The following RUNDC3B variants were observed in gnomAD, a reference collection of about 807,000 sequenced individuals.
RUNDC3B encodes RUN domain-containing protein 3B.
In RUNDC3B, 33 loss-of-function variants were observed where a neutral mutation model predicts 58.4. The ratio of observed to expected loss-of-function variants is 0.56; its 90% CI spans 0.43 to 0.75. The LOEUF (loss-of-function observed/expected upper bound fraction) is 0.75, where lower values mean the gene tolerates loss of function less well. RUNDC3B is among the 30% of genes least tolerant of loss of function. The pLI, the probability that RUNDC3B is intolerant of heterozygous loss-of-function variation, is 0.00. For synonymous variants in RUNDC3B, 193 were observed against 195.2 expected (o/e 0.99, Z 0.10); for missense variants, 501 against 535.7 (o/e 0.94, Z 0.64).
At chr7:87,675,726 CCTTTCT>C (rs1448661426) in intron 2 of RUNDC3B, among the ~76,000 whole-genome samples, 1 of 148,412 alleles carries the variant, frequency 6.7e-6, no homozygotes, top group Non-Finnish European at 1.5e-5. Flanking sequence ...AGAAATCGGA[CCTTTCT>C]CTTATATCAT....
intron 9 of RUNDC3B, among the ~76,000 whole-genome samples, chr7:87,810,625 C>T (rs953084600): frequency 1.3e-5 from 2 of 152,142 alleles, no homozygotes; most frequent in Non-Finnish European, 2.9e-5. Context: ...GTCATATTGT[C>T]ACCTACTCAT....
chr7:87,740,959 C>G (rs1217431510), intron 5 of RUNDC3B, among the ~76,000 whole-genome samples: 1 of 152,072 alleles, frequency 6.6e-6, no homozygotes, highest in Non-Finnish European at 1.5e-5. Context: ...AATCCCAACA[C>G]TTTAGGAGGC....
chr7:87,733,787 G>A (rs544736250), intron 4 of RUNDC3B, among the ~76,000 whole-genome samples: 165 of 152,260 alleles, frequency 1.1e-3, no homozygotes, highest in Non-Finnish European at 1.6e-3. Context: ...TGAAGGAGTC[G>A]GAGCTTAGGT....
intron 2 of RUNDC3B, among the ~76,000 whole-genome samples, chr7:87,668,861 T>A (rs565638217): frequency 6.6e-6 from 1 of 152,320 alleles, no homozygotes; most frequent in East Asian, 1.9e-4. Flanking sequence ...TGATTTCAGT[T>A]CTTTTACATT....
At chr7:87,764,490 GCTT>G (rs1419278598) in intron 6 of RUNDC3B, among the ~76,000 whole-genome samples, 1 of 151,734 alleles carries the variant, frequency 6.6e-6, no homozygotes, top group Non-Finnish European at 1.5e-5. Context: ...TGAGCTTTGG[GCTT>G]CTAGTGTAAC....
intron 1 of RUNDC3B, among the ~76,000 whole-genome samples, chr7:87,645,534 G>T (rs762596489): frequency 1.3e-5 from 2 of 152,010 alleles, no homozygotes; most frequent in Admixed American, 1.3e-4. Context: ...TAATTTTTAT[G>T]TAAAAGCTGT....
At chr7:87,825,984 ACTTGC>A (rs1479778898) in intron 10 of RUNDC3B, among the ~76,000 whole-genome samples, 2 of 152,110 alleles carry the variant, frequency 1.3e-5, no homozygotes, top group African/African-American at 4.8e-5. Context: ...GGTAGAAGAA[ACTTGC>A]CTTGTCTCAG....
intron 10 of RUNDC3B, among the ~76,000 whole-genome samples, chr7:87,825,070 A>T (rs1054027858): frequency 6.6e-6 from 1 of 152,044 alleles, no homozygotes; most frequent in Non-Finnish European, 1.5e-5. Context: ...ATACAAAAAA[A>T]AATTAGCTGG....
At chr7:87,770,553 C>T (rs770376872) in intron 6 of RUNDC3B, 28 bp from the exon 7 acceptor site, 3 of 1,570,202 alleles carry the variant, frequency 1.9e-6, no homozygotes, top group African/African-American at 2.7e-5. Context: ...ATATTTTTAA[C>T]TTTTTTTTAA....
rs1392095942 is a variant in RUNDC3B, at chr7:87,770,617, G to A, written c.666G>A (p.Arg222=). The A allele has an allele frequency of 6.2e-7, 1 of 1,613,660 alleles. No individual in the cohort carries two copies. Among genetic ancestry groups the A allele is most frequent in the African/African-American group, 1.3e-5 (1 of 74,872 alleles). ...TCAGCAGTGATGAGGAGGAGCTAAGGACTTTGGGAAGCAGTGGTAGCGAAA... is the reference window on the plus strand; with the variant it reads ...TCAGCAGTGATGAGGAGGAGCTAAGAACTTTGGGAAGCAGTGGTAGCGAAA... ...DSISSDEEEL[R]TLGSSGSESS... Residue 222 remains arginine, a synonymous_variant, in exon 7 of 11, where the codon AGG becomes AGA. Transcript: ENST00000394654.
chr7:87,704,112 G>T (rs939172592), intron 3 of RUNDC3B, among the ~76,000 whole-genome samples: 1 of 151,116 alleles, frequency 6.6e-6, no homozygotes, highest in Non-Finnish European at 1.5e-5. Flanking sequence ...GTAGATACAG[G>T]GTTTCACCAT....
chr7:87,756,164 C>G (rs1357904154), intron 6 of RUNDC3B, among the ~76,000 whole-genome samples: 1 of 151,958 alleles, frequency 6.6e-6, no homozygotes, highest in East Asian at 1.9e-4. Flanking sequence ...GTAAGTTTTA[C>G]CAAATTAAGT....
intron 2 of RUNDC3B, among the ~76,000 whole-genome samples, chr7:87,664,138 A>AT (rs1442565271): frequency 6.6e-6 from 1 of 152,118 alleles, no homozygotes; most frequent in Non-Finnish European, 1.5e-5. Flanking sequence ...AGACTCTGTC[A>AT]TTCACTTTTA....
At chr7:87,818,569 G>C (rs1011300876) in intron 10 of RUNDC3B, among the ~76,000 whole-genome samples, 7 of 152,100 alleles carry the variant, frequency 4.6e-5, no homozygotes, top group Non-Finnish European at 1.0e-4. Context: ...AATATAATAA[G>C]AGAACAAATA....
At chr7:87,736,524 A>G (rs1323795850) in intron 4 of RUNDC3B, among the ~76,000 whole-genome samples, 1 of 151,838 alleles carries the variant, frequency 6.6e-6, no homozygotes, top group Non-Finnish European at 1.5e-5. Flanking sequence ...ATGTTTTTCT[A>G]ATCAACATAT....
intron 1 of RUNDC3B, among the ~76,000 whole-genome samples, chr7:87,632,148 G>A (rs1285225725): frequency 6.7e-6 from 1 of 149,162 alleles, no homozygotes; most frequent in Non-Finnish European, 1.5e-5. Context: ...TATCATTCTA[G>A]TGTATCCACT....
chr7:87,714,288 C>G (rs1454078092), intron 4 of RUNDC3B, among the ~76,000 whole-genome samples: 2 of 152,152 alleles, frequency 1.3e-5, no homozygotes, highest in Non-Finnish European at 2.9e-5. Flanking sequence ...TCACTACCTT[C>G]TGGTCCCACG....
intron 10 of RUNDC3B, among the ~76,000 whole-genome samples, chr7:87,817,514 T>C (rs111304024): frequency 0.03 from 4,538 of 152,310 alleles, 64 homozygotes; most frequent in Middle Eastern, 0.048. Context: ...CTGTGTACCA[T>C]AGCAAACTGA....
In RUNDC3B at chr7:87,830,907, A is replaced by G. The variant is rs756675859; in HGVS notation, c.*877A>G. The G allele has an allele frequency of 1.3e-5, 2 of 151,770 alleles. No individual in the cohort carries two copies. The highest frequency in any genetic ancestry group is 6.6e-5 in the Admixed American group (1 of 15,166). 9.4% of individuals were successfully genotyped at this position (151,770 alleles called of 1,614,324 possible). A position where few individuals can be genotyped will look rare whatever the true frequency, so the allele number is the denominator to read the frequency against. On this transcript the variant is annotated 3_prime_UTR_variant, in exon 11 of 11. Coordinates refer to ENST00000394654, the MANE Select transcript of RUNDC3B (RefSeq NM_001134405.2). Reference sequence around the variant, plus strand: ...AACAAGGATCAGTAGGATAGTTATCATATTTACTTAATATATGTCTGATAT... The same window carrying G: ...AACAAGGATCAGTAGGATAGTTATCGTATTTACTTAATATATGTCTGATAT...
Sources: gnomAD v4.1 joint callset for allele counts (sites outside exome capture counted in the v4.1 genomes callset) on GRCh38, gnomAD v4.1.1 for gene constraint, MANE v1.5 for transcripts, NCBI Gene and HGNC (gene_info 2026-07-23, HGNC 2026-07-21) for gene names.